DCAF1: variants seen among roughly 807,000 people sequenced by gnomAD.
The protein encoded by DCAF1 is DDB1 and CUL4 associated factor 1.
Under a neutral mutation model 128.0 loss-of-function variants are expected in DCAF1, and 15 were observed. The ratio of observed to expected loss-of-function variants is 0.12; its 90% CI spans 0.08 to 0.18. The LOEUF (loss-of-function observed/expected upper bound fraction) is 0.18, where lower values mean the gene tolerates loss of function less well. Ranked by LOEUF, DCAF1 falls within the 10% of genes least tolerant of loss-of-function variation. DCAF1 has a pLI of 1.00. For synonymous variants in DCAF1, 610 were observed against 603.0 expected (o/e 1.01, Z -0.17); for missense variants, 988 against 1,649.5 (o/e 0.60, Z 6.95).
At position 51,420,252 on chromosome 3, in the gene DCAF1, A is replaced by G; in HGVS notation, c.2718T>C (p.Ala906=). The G allele has an allele frequency of 6.2e-7, 1 of 1,614,050 alleles. No individual in the cohort carries two copies. Among genetic ancestry groups the G allele is most frequent in the Non-Finnish European group, 8.5e-7 (1 of 1,179,894 alleles). ...TGCCCAGACGAGTTGCAATGCCATT[A>G]GCGATACGAGGGGTTCGGGGTAGAG... The part of the protein sequence containing the change: ...PVSLPRTPRI[A]NGIATRLGSH... Residue 906 remains alanine, a synonymous_variant, in exon 15 of 25, where the codon GCT becomes GCC. Transcript: ENST00000684031. This position sits in a 1 kb window ranked among gnomAD's most constrained non-coding sequence, Gnocchi z 6.5.
At chr3:51,498,049 CAAAAAAAAAAAAAAAAAAAAA>C (rs56734063) in intron 1 of DCAF1, among the ~76,000 whole-genome samples, 78 of 20,844 alleles carry the variant, frequency 3.7e-3, no homozygotes, top group African/African-American at 0.011. Context: ...GACTCTGTCT[CAAAAAAAAAAAAAAAAAAAAA>C]AAAAAAAAAA....
chr3:51,415,892 A>G, intron 18 of DCAF1, among the ~76,000 whole-genome samples: 1 of 152,008 alleles, frequency 6.6e-6, no homozygotes, highest in East Asian at 1.9e-4. Context: ...CCAGCTCCCA[A>G]CTTTTGTATT....
chr3:51,458,866 T>C (rs1166380277), intron 6 of DCAF1, among the ~76,000 whole-genome samples: 1 of 152,082 alleles, frequency 6.6e-6, no homozygotes, highest in Non-Finnish European at 1.5e-5. Flanking sequence ...TTGAAACCAA[T>C]GAGAACAAAG....
chr3:51,398,958 C>A, intron 24 of DCAF1, 131 bp from the exon 25 acceptor site: 1 of 1,155,874 alleles, frequency 8.7e-7, no homozygotes. Flanking sequence ...AAGAAGAAAA[C>A]ACATCAATTA....
intron 13 of DCAF1, among the ~76,000 whole-genome samples, chr3:51,423,629 C>T (rs13069773): frequency 0.018 from 2,711 of 151,606 alleles, 49 homozygotes; most frequent in Non-Finnish European, 0.027. Context: ...ACCAGCCTGG[C>T]CAACATGTTG....
At chr3:51,437,391 C>T in intron 9 of DCAF1, 1 of 396,958 alleles carries the variant, frequency 2.5e-6, no homozygotes. Flanking sequence ...AGCAAGATCC[C>T]CACTTATCCA....
At chr3:51,398,905 A>C (rs2089430327) in intron 24 of DCAF1, 78 bp from the exon 25 acceptor site, 1 of 1,518,764 alleles carries the variant, frequency 6.6e-7, no homozygotes. Flanking sequence ...ACCTGCACTC[A>C]CATACATTCA....
At chr3:51,421,018 G>T in intron 14 of DCAF1, 21 bp from the exon 15 acceptor site, 4 of 1,589,028 alleles carry the variant, frequency 2.5e-6, no homozygotes, top group Non-Finnish European at 3.4e-6. Context: ...AAAAAATTAT[G>T]TATTATTCAC....
intron 18 of DCAF1, 35 bp downstream of exon 18, chr3:51,416,752 G>T: frequency 6.3e-7 from 1 of 1,584,416 alleles, no homozygotes; most frequent in South Asian, 1.2e-5. Flanking sequence ...AAATGGGTAT[G>T]ATCAGCTTGA....
rs1553629725 is a variant in DCAF1 at position 51,414,774 on chromosome 3, G to A, written c.3687C>T (p.Thr1229=). 3 of 1,614,008 alleles carry A rather than the reference G, an allele frequency of 1.9e-6. No individual in the cohort carries two copies. Among genetic ancestry groups the A allele is most frequent in the Admixed American group, 1.7e-5 (1 of 60,020 alleles). Residue 1229 remains threonine, a synonymous_variant, in exon 19 of 25, where the codon ACC becomes ACT. Coordinates refer to ENST00000684031, the MANE Select transcript of DCAF1 (RefSeq NM_001387579.1). ...AGACAAGATCATCTGTAGGATTAAAGGTGGCACAGTTCCTCTTGTAGTTGT... is the reference window on the plus strand; with the variant it reads ...AGACAAGATCATCTGTAGGATTAAAAGTGGCACAGTTCCTCTTGTAGTTGT... ...LANNYKRNCA[T]FNPTDDLVLN...
chr3:51,446,278 G>A (rs2107756295), intron 6 of DCAF1, among the ~76,000 whole-genome samples: 1 of 152,206 alleles, frequency 6.6e-6, no homozygotes, highest in South Asian at 2.1e-4. Context: ...GGGATTACAG[G>A]TGTTAGCCAC....
intron 11 of DCAF1, 148 bp from the exon 12 acceptor site, chr3:51,429,618 C>G: frequency 1.6e-6 from 1 of 618,538 alleles, no homozygotes; most frequent in Non-Finnish European, 2.9e-6. Context: ...TTATGCTTAA[C>G]AAGACTGACA....
intron 18 of DCAF1, among the ~76,000 whole-genome samples, chr3:51,415,189 G>C (rs1698770313): frequency 6.6e-6 from 1 of 152,032 alleles, no homozygotes; most frequent in African/African-American, 2.4e-5. Context: ...TCTCATATAA[G>C]TTCATGGCTG....
intron 22 of DCAF1, 32 bp from the exon 23 acceptor site, chr3:51,412,512 GTTAC>G (rs1698521923): frequency 6.2e-7 from 1 of 1,613,018 alleles, no homozygotes; most frequent in East Asian, 2.2e-5. Flanking sequence ...ATAAGGAGCA[GTTAC>G]TTTTCAGAAG....
intron 9 of DCAF1, among the ~76,000 whole-genome samples, chr3:51,438,261 A>C (rs1245725789): frequency 1.3e-5 from 2 of 152,202 alleles, no homozygotes; most frequent in African/African-American, 4.8e-5. Flanking sequence ...TTACTAAGTG[A>C]CTACTATTTG....
downstream of DCAF1, chr3:51,395,870 A>ATGT: frequency 2.4e-6 from 1 of 413,520 alleles, no homozygotes; most frequent in South Asian, 1.3e-4. Context: ...ACACAAAGAC[A>ATGT]TGTTAAGCAT....
chr3:51,402,349 C>T (rs1482026053), intron 24 of DCAF1, among the ~76,000 whole-genome samples: 1 of 151,942 alleles, frequency 6.6e-6, no homozygotes, highest in East Asian at 1.9e-4. Flanking sequence ...TGATTCTAGC[C>T]ATGCCTCTCG....
intron 3 of DCAF1, among the ~76,000 whole-genome samples, chr3:51,482,213 G>A (rs372967224): frequency 6.6e-6 from 1 of 151,918 alleles, no homozygotes; most frequent in Non-Finnish European, 1.5e-5. Context: ...GGGAGGCCGA[G>A]ACAGGAGGAT....
chr3:51,417,737 GAAAAA>G (rs782765221), intron 17 of DCAF1, among the ~76,000 whole-genome samples: 2,904 of 79,478 alleles, frequency 0.037, 47 homozygotes, highest in Non-Finnish European at 0.053. Flanking sequence ...ATAAAAAAAA[GAAAAA>G]AAAAAGGAAA....
Sources: gnomAD v4.1 joint callset for allele counts (sites outside exome capture counted in the v4.1 genomes callset) on GRCh38, gnomAD v4.1.1 for gene constraint, Gnocchi (gnomAD v3.1) non-coding constraint, MANE v1.5 for transcripts, NCBI Gene and HGNC (gene_info 2026-07-23, HGNC 2026-07-21) for gene names.